The following DIAPH1 variants were observed in gnomAD, a reference collection of about 807,000 sequenced individuals.
DIAPH1 encodes protein diaphanous homolog 1.
A neutral mutation model predicts 140.7 loss-of-function variants in DIAPH1; 46 were observed. The ratio of observed to expected loss-of-function variants is 0.33; its 90% CI spans 0.26 to 0.42. DIAPH1 has a LOEUF of 0.42. DIAPH1 is among the 10% of genes least tolerant of loss of function. The pLI, the probability that DIAPH1 is intolerant of heterozygous loss-of-function variation, is 1.00. For missense variants in DIAPH1, 1,310 were observed against 1,558.7 expected, an observed-to-expected ratio of 0.84 and a Z score of 2.69; for synonymous variants, 565 against 551.6, an observed-to-expected ratio of 1.02 and a Z score of -0.34.
At chr5:141,558,916 TAAAAA>T (rs11315376) in intron 18 of DIAPH1, among the ~76,000 whole-genome samples, 2 of 143,734 alleles carry the variant, frequency 1.4e-5, no homozygotes, top group Non-Finnish European at 3.0e-5. Flanking sequence ...CACAAGTTGT[TAAAAA>T]AAAAAAAAAA....
chr5:141,550,972 ATT>A (rs2099891595), intron 18 of DIAPH1, among the ~76,000 whole-genome samples: 3 of 152,256 alleles, frequency 2.0e-5, no homozygotes, highest in Admixed American at 6.5e-5. Flanking sequence ...ACTGTTCCCA[ATT>A]AAATGAGACT....
chr5:141,553,460 C>T (rs1412510209), intron 18 of DIAPH1, among the ~76,000 whole-genome samples: 1 of 151,864 alleles, frequency 6.6e-6, no homozygotes, highest in East Asian at 1.9e-4. Flanking sequence ...CCCAACATGG[C>T]GAAACCCCAA....
At chr5:141,545,468 C>CA (rs1433940672) in intron 18 of DIAPH1, among the ~76,000 whole-genome samples, 4 of 152,068 alleles carry the variant, frequency 2.6e-5, no homozygotes, top group African/African-American at 9.7e-5. Context: ...CTAGGCGACA[C>CA]AGTCTGTCTC....
At chr5:141,521,977 AAC>A (rs1388948525) in intron 27 of DIAPH1, among the ~76,000 whole-genome samples, 1 of 152,220 alleles carries the variant, frequency 6.6e-6, no homozygotes, top group East Asian at 1.9e-4. Context: ...TGCTTAGGAT[AAC>A]ACAGACAGCA....
intron 18 of DIAPH1, chr5:141,564,930 A>G (rs1188040650): frequency 1.3e-5 from 2 of 152,168 alleles, no homozygotes; most frequent in African/African-American, 4.8e-5. Context: ...ACTAGACATT[A>G]CCATAAATAT....
intron 18 of DIAPH1, 193 bp from the exon 19 acceptor site, chr5:141,534,626 ATC>A: frequency 1.6e-6 from 1 of 606,892 alleles, no homozygotes; most frequent in Non-Finnish European, 2.9e-6. Context: ...TCTAATAAAT[ATC>A]TCATTTTCAT....
intron 1 of DIAPH1, among the ~76,000 whole-genome samples, chr5:141,594,459 T>C (rs1362732564): frequency 6.6e-6 from 1 of 152,104 alleles, no homozygotes; most frequent in African/African-American, 2.4e-5. Context: ...AGGCTACATA[T>C]GGCCGGGCGC....
intron 1 of DIAPH1, among the ~76,000 whole-genome samples, chr5:141,595,766 T>C (rs540886691): frequency 2.8e-4 from 42 of 152,314 alleles, no homozygotes; most frequent in Admixed American, 1.8e-3. Flanking sequence ...TATTTCTTCA[T>C]AGCAGTGTGA....
chr5:141,584,638 G>A (rs1370066172), intron 3 of DIAPH1, among the ~76,000 whole-genome samples: 1 of 152,092 alleles, frequency 6.6e-6, no homozygotes, highest in Non-Finnish European at 1.5e-5. Flanking sequence ...ACCAACTCTA[G>A]GGCCTACAAA....
At chr5:141,577,395 A>T in intron 12 of DIAPH1, 80 bp downstream of exon 12, 1 of 1,032,582 alleles carries the variant, frequency 9.7e-7, no homozygotes, top group South Asian at 1.3e-5. Context: ...TTCCTTTTAC[A>T]GAACAATCTT....
chr5:141,556,115 A>C (rs985455203), intron 18 of DIAPH1, among the ~76,000 whole-genome samples: 2 of 152,210 alleles, frequency 1.3e-5, no homozygotes, highest in African/African-American at 4.8e-5. Flanking sequence ...ATTTGCATCT[A>C]AGTCAGTCTC....
Position 141,574,954 on chromosome 5 carries a change from G to A in DIAPH1, c.1641+13C>T, listed in dbSNP as rs1335562058. ...GGTTACAGGTCATTCTGCCTTCCCT[G>A]CTCAGGCATTACCTCTCCTGTGAGC... On this transcript the variant is annotated intron_variant, in intron 15 of 27. Transcript: ENST00000389054. 19 of 1,613,906 alleles carry A rather than the reference G, an allele frequency of 1.2e-5. No homozygotes were observed. Among genetic ancestry groups the A allele is most frequent in the Admixed American group, 1.7e-5 (1 of 59,992 alleles).
chr5:141,582,013 T>C (rs1468105563), intron 7 of DIAPH1: 3 of 255,684 alleles, frequency 1.2e-5, no homozygotes, highest in Non-Finnish European at 2.0e-5. Context: ...TGAGCCGAGA[T>C]CGAGCCACAG....
chr5:141,562,612 A>C (rs201255565), intron 18 of DIAPH1, among the ~76,000 whole-genome samples: 7,164 of 129,456 alleles, frequency 0.055, 369 homozygotes, highest in Admixed American at 0.18. Flanking sequence ...TATGCAAAAA[A>C]AAAAAAACAA....
rs149296235 is a variant in DIAPH1, at chr5:141,562,560, A to G, written c.2482+8868T>C. Among the ~76,000 whole-genome samples the G allele has an allele frequency of 3.9e-3, 579 of 150,264 alleles. 5 individuals carry two copies. Among genetic ancestry groups the G allele is most frequent in the Admixed American group, 0.011 (167 of 15,046 alleles). ...GGCATGGATGAATACTAGGGTGGGAATGAGACTTTTTTATACTGTTTTGAC... is the reference window on the plus strand; with the variant it reads ...GGCATGGATGAATACTAGGGTGGGAGTGAGACTTTTTTATACTGTTTTGAC... On this transcript the variant is annotated intron_variant, in intron 18 of 27. Transcript: ENST00000389054.
chr5:141,567,750 A>G (rs1033503440), intron 18 of DIAPH1, among the ~76,000 whole-genome samples: 2 of 152,228 alleles, frequency 1.3e-5, no homozygotes, highest in African/African-American at 2.4e-5. Context: ...AGACCCTCAG[A>G]TTCTTTTTGG....
intron 1 of DIAPH1, among the ~76,000 whole-genome samples, chr5:141,617,354 A>G (rs1419978608): frequency 4.6e-5 from 7 of 152,202 alleles, no homozygotes; most frequent in African/African-American, 1.2e-4. Flanking sequence ...GACATCTCAG[A>G]TATCACTGGA....
intron 13 of DIAPH1, among the ~76,000 whole-genome samples, chr5:141,576,498 G>A (rs1251652612): frequency 1.3e-5 from 2 of 152,212 alleles, no homozygotes; most frequent in African/African-American, 2.4e-5. Context: ...GTGGCAAGAA[G>A]AATGCCTATG....
At chr5:141,525,929 T>C in intron 26 of DIAPH1, 109 bp downstream of exon 26, 1 of 1,566,474 alleles carries the variant, frequency 6.4e-7, no homozygotes, top group Non-Finnish European at 8.7e-7. Context: ...CTGCCAAAAA[T>C]CATTTGCCAG....
Sources: gnomAD v4.1 joint callset for allele counts (sites outside exome capture counted in the v4.1 genomes callset) on GRCh38, gnomAD v4.1.1 for gene constraint, MANE v1.5 for transcripts, NCBI Gene and HGNC (gene_info 2026-07-23, HGNC 2026-07-21) for gene names.